LRRC49: variants seen among roughly 807,000 people sequenced by gnomAD.
LRRC49 encodes the protein leucine rich repeat containing 49, also known as leucine-rich repeat-containing protein 49.
Under a neutral mutation model 83.3 loss-of-function variants are expected in LRRC49, and 50 were observed. The observed-to-expected ratio is 0.60, with a 90% CI of 0.48 to 0.76. LRRC49 has a LOEUF of 0.76. LRRC49 is among the 30% of genes least tolerant of loss of function. LRRC49 has a pLI of 0.00. For missense variants in LRRC49, 704 were observed against 809.1 expected (o/e 0.87, Z 1.58); for synonymous variants, 286 against 283.3 (o/e 1.01, Z -0.10).
chr15:70,867,438 T>C (rs889984099), intron 1 of LRRC49, among the ~76,000 whole-genome samples: 2 of 152,264 alleles, frequency 1.3e-5, no homozygotes, highest in Admixed American at 1.3e-4. Flanking sequence ...GGAATGGCCA[T>C]TTTTGGAGCA....
chr15:70,898,229 A>G (rs1156867034), intron 3 of LRRC49: 2 of 570,404 alleles, frequency 3.5e-6, no homozygotes, highest in African/African-American at 1.9e-5. Flanking sequence ...AATTTAGACC[A>G]TTATACTTCT....
chr15:70,955,198 A>G (rs1478744428), intron 8 of LRRC49, among the ~76,000 whole-genome samples: 2 of 152,154 alleles, frequency 1.3e-5, no homozygotes, highest in Non-Finnish European at 2.9e-5. Flanking sequence ...GGCCAACTGG[A>G]CCATATTTTT....
Position 71,031,844 on chromosome 15 carries a change from C to T in LRRC49, c.1704-5335C>T, listed in dbSNP as rs148174541. Among the ~76,000 whole-genome samples the T allele has an allele frequency of 3.3e-4, 51 of 152,288 alleles. No homozygotes were observed. In the East Asian group the frequency reaches 9.3e-3, roughly 28 times the overall value. On this transcript the variant is annotated intron_variant, in intron 14 of 15. Coordinates refer to ENST00000260382, the MANE Select transcript of LRRC49 (RefSeq NM_017691.5). ...TCAGTAATGGTGGACACCCCTCCCCCCACCAAGCTCGATCATCCCGGGTCA... is the reference window on the plus strand; with the variant it reads ...TCAGTAATGGTGGACACCCCTCCCCTCACCAAGCTCGATCATCCCGGGTCA...
intron 8 of LRRC49, among the ~76,000 whole-genome samples, chr15:70,956,165 T>C (rs2036393349): frequency 6.6e-6 from 1 of 152,216 alleles, no homozygotes; most frequent in Non-Finnish European, 1.5e-5. Context: ...GAATTGTTAG[T>C]TAAATATCTA....
chr15:70,900,158 G>A (rs961628519), intron 3 of LRRC49: 4 of 200,778 alleles, frequency 2.0e-5, no homozygotes, highest in Admixed American at 5.6e-5. Flanking sequence ...TATGTATGTT[G>A]TTCTATTTAT....
At chr15:71,042,526 T>G (rs1255113229) in intron 15 of LRRC49, among the ~76,000 whole-genome samples, 2 of 152,198 alleles carry the variant, frequency 1.3e-5, no homozygotes, top group African/African-American at 4.8e-5. Flanking sequence ...CTGAAGTCCC[T>G]TAATCACTCT....
chr15:70,892,414 G>A, upstream of LRRC49: 1 of 1,539,122 alleles, frequency 6.5e-7, no homozygotes, highest in Non-Finnish European at 8.7e-7. Flanking sequence ...CCTACCTCTG[G>A]TCACCGGAAG....
At chr15:70,908,308 T>G (rs1207129604) in intron 5 of LRRC49, among the ~76,000 whole-genome samples, 1 of 152,126 alleles carries the variant, frequency 6.6e-6, no homozygotes, top group African/African-American at 2.4e-5. Context: ...CACAAGGCAG[T>G]CAAGTGAGGA....
At chr15:71,025,358 A>T (rs552345683) in intron 14 of LRRC49, among the ~76,000 whole-genome samples, 1 of 152,292 alleles carries the variant, frequency 6.6e-6, no homozygotes, top group African/African-American at 2.4e-5. Context: ...CTCAGCAGAA[A>T]GCCTACAAGC....
intron 1 of LRRC49, chr15:70,853,491 G>A (rs187561157): frequency 6.2e-6 from 1 of 160,356 alleles, no homozygotes; most frequent in Non-Finnish European, 1.4e-5. Context: ...CACTCGCAAG[G>A]GGAGGGGAAG....
Position 71,052,506 on chromosome 15 carries a change from A to T in LRRC49, c.*2894A>T, listed in dbSNP as rs1436338551. On this transcript the variant is annotated 3_prime_UTR_variant, in exon 16 of 16. Coordinates refer to ENST00000260382, the MANE Select transcript of LRRC49 (RefSeq NM_017691.5). ...ATCAGCTCCTCACTTCCTGAGCTTC[A>T]TTCCACTGAAGGCCTGGCATGTAAG... is the stretch of plus-strand genomic sequence containing the variant. The T allele has an allele frequency of 6.6e-6, 1 of 152,126 alleles. No individual in the cohort carries two copies. The highest frequency in any genetic ancestry group is 2.4e-5 in the African/African-American group (1 of 41,418). 9.4% of individuals were successfully genotyped at this position (152,126 alleles called of 1,614,324 possible).
chr15:70,960,240 C>G (rs2036558702), intron 8 of LRRC49, among the ~76,000 whole-genome samples: 1 of 152,168 alleles, frequency 6.6e-6, no homozygotes, highest in Admixed American at 6.5e-5. Context: ...AGTTCAAAGG[C>G]TGACAGAGAG....
intron 1 of LRRC49, among the ~76,000 whole-genome samples, chr15:70,861,508 G>T (rs1252731070): frequency 6.6e-6 from 1 of 151,714 alleles, no homozygotes; most frequent in Non-Finnish European, 1.5e-5. Context: ...AAAAAGAGTA[G>T]GGTTTTCTAA....
At chr15:70,909,476 C>T (rs1334538262) in intron 5 of LRRC49, among the ~76,000 whole-genome samples, 1 of 152,140 alleles carries the variant, frequency 6.6e-6, no homozygotes, top group Non-Finnish European at 1.5e-5. Flanking sequence ...TGTATGATTA[C>T]AGTACTATAA....
At chr15:71,002,939 C>CTTTT (rs35998597) in intron 11 of LRRC49, among the ~76,000 whole-genome samples, 951 of 43,034 alleles carry the variant, frequency 0.022, 346 homozygotes, top group Non-Finnish European at 0.027. Context: ...ATTTTCTGGC[C>CTTTT]TTTTTTTTTT....
intron 1 of LRRC49, among the ~76,000 whole-genome samples, chr15:70,871,402 T>G (rs1053734877): frequency 3.9e-5 from 6 of 152,156 alleles, no homozygotes; most frequent in Non-Finnish European, 8.8e-5. Flanking sequence ...TTCCCCACAT[T>G]TCCCCCCTCT....
At chr15:71,011,190 G>T (rs1252685381) in intron 13 of LRRC49, among the ~76,000 whole-genome samples, 1 of 152,058 alleles carries the variant, frequency 6.6e-6, no homozygotes, top group African/African-American at 2.4e-5. Flanking sequence ...CTTCCCCCGA[G>T]GTGAGGTTGT....
At position 71,051,064 on chromosome 15, in the gene LRRC49, C is replaced by T. The variant is rs1371592126; in HGVS notation, c.*1452C>T. ...CCATGTTAGCCAGGATGGTCTCGATCTCCTGACCTCATGATCCGCCTGCCT... is the reference window on the plus strand; with the variant it reads ...CCATGTTAGCCAGGATGGTCTCGATTTCCTGACCTCATGATCCGCCTGCCT... On this transcript the variant is annotated 3_prime_UTR_variant, in exon 16 of 16. Transcript: ENST00000260382. The T allele has an allele frequency of 1.3e-5, 2 of 152,440 alleles. No homozygotes were observed. The highest frequency in any genetic ancestry group is 1.9e-4 in the East Asian group (1 of 5,194). The allele number at this position is 152,440 out of a possible 1,614,324, so 9.4% of individuals were successfully genotyped here.
At chr15:70,953,806 AT>A (rs1408088652) in intron 8 of LRRC49, among the ~76,000 whole-genome samples, 3 of 151,860 alleles carry the variant, frequency 2.0e-5, no homozygotes, top group African/African-American at 4.8e-5. Flanking sequence ...CTATTCTGTT[AT>A]TTTTTTAAAT....
Sources: allele counts gnomAD v4.1 joint callset (sites outside exome capture counted in the v4.1 genomes callset), GRCh38; gene constraint gnomAD v4.1.1; transcripts MANE v1.5; gene names NCBI Gene and HGNC (gene_info 2026-07-23, HGNC 2026-07-21).